PAH: variants seen among roughly 807,000 people sequenced by gnomAD.
The protein encoded by PAH is phenylalanine hydroxylase, also known as phenylalanine-4-hydroxylase.
Under a neutral mutation model 62.0 loss-of-function variants are expected in PAH, and 64 were observed. That is an observed-to-expected ratio of 1.03 (90% CI 0.84 to 1.27). The LOEUF is 1.27. PAH is among the 50% of genes most tolerant of loss of function. PAH has a pLI of 0.00. For synonymous variants in PAH, 195 were observed against 196.2 expected (o/e 0.99, Z 0.05); for missense variants, 579 against 542.8 (o/e 1.07, Z -0.66).
At chr12:102,862,156 T>C (rs970789216) in intron 5 of PAH, among the ~76,000 whole-genome samples, 1 of 152,108 alleles carries the variant, frequency 6.6e-6, no homozygotes, top group African/African-American at 2.4e-5. Flanking sequence ...ATCAACTTCA[T>C]TGCCCATCAG....
intron 1 of PAH, chr12:102,950,568 C>A (rs1327017008): frequency 6.6e-6 from 1 of 152,338 alleles, no homozygotes; most frequent in African/African-American, 2.4e-5. Flanking sequence ...CGTGGCCACA[C>A]AATGGGGACA....
chr12:102,877,414 T>G, intron 4 of PAH, 48 bp downstream of exon 4: 1 of 1,253,932 alleles, frequency 8.0e-7, no homozygotes, highest in East Asian at 2.3e-5. Flanking sequence ...GGGAGGGGAG[T>G]GGAGGAGAGG....
chr12:102,923,471 A>G (rs1220625958), intron 1 of PAH: 5 of 152,186 alleles, frequency 3.3e-5, no homozygotes, highest in Admixed American at 2.6e-4. Context: ...ATGCTAATGT[A>G]AGTTGCTTGA....
At chr12:102,897,735 G>A (rs1877573973) in intron 2 of PAH, among the ~76,000 whole-genome samples, 1 of 152,010 alleles carries the variant, frequency 6.6e-6, no homozygotes, top group Non-Finnish European at 1.5e-5. Flanking sequence ...CAAATTCCTT[G>A]GACTCCTCTG....
intron 1 of PAH, among the ~76,000 whole-genome samples, 178 bp downstream of exon 1, chr12:102,916,893 C>T (rs1004729320): frequency 2.6e-5 from 4 of 150,948 alleles, no homozygotes; most frequent in African/African-American, 9.9e-5. Context: ...TGTTCTCCTA[C>T]TTAGAAACAA....
At chr12:102,852,440 C>T (rs1758356127) in intron 7 of PAH, among the ~76,000 whole-genome samples, 1 of 152,182 alleles carries the variant, frequency 6.6e-6, no homozygotes, top group African/African-American at 2.4e-5. Flanking sequence ...AATACACAAT[C>T]TAGGCAAAGA....
intron 4 of PAH, 121 bp downstream of exon 4, chr12:102,877,341 A>T: frequency 1.2e-6 from 1 of 819,056 alleles, no homozygotes; most frequent in Admixed American, 1.7e-5. Context: ...AAATAGGAAC[A>T]CAATAAGTGT....
chr12:102,936,366 A>G (rs1879098524), intron 1 of PAH, among the ~76,000 whole-genome samples: 1 of 152,176 alleles, frequency 6.6e-6, no homozygotes, highest in South Asian at 2.1e-4. Flanking sequence ...CAGCCATTGA[A>G]TGAAATGTTC....
chr12:102,920,038 G>A (rs1169762818), upstream of PAH, among the ~76,000 whole-genome samples: 1 of 151,992 alleles, frequency 6.6e-6, no homozygotes, highest in Non-Finnish European at 1.5e-5. Context: ...TCTCCATAGT[G>A]GTTGTACAAA....
At position 102,917,167 on chromosome 12, in the gene PAH, G is replaced by T; in HGVS notation, c.-37C>A. The stretch of plus-strand genomic sequence containing the variant: ...GGGAGTGAGGTCTCTGGCTTTTTAG[G>T]GCCTCAGGTACAGGCAGGTTTGCAA... On this transcript the variant is annotated 5_prime_UTR_variant, in exon 1 of 13. Coordinates refer to ENST00000553106, the MANE Select transcript of PAH (RefSeq NM_000277.3). 1 of 1,603,822 alleles carries T rather than the reference G, an allele frequency of 6.2e-7. No homozygotes were observed. Among genetic ancestry groups the T allele is most frequent in the Non-Finnish European group, 8.5e-7 (1 of 1,170,722 alleles).
At position 102,917,175 on chromosome 12, in the gene PAH, G is replaced by A. The variant is rs746106548; in HGVS notation, c.-45C>T. On this transcript the variant is annotated 5_prime_UTR_variant, in exon 1 of 13. Coordinates refer to ENST00000553106, the MANE Select transcript of PAH (RefSeq NM_000277.3). ...GGTCTCTGGCTTTTTAGGGCCTCAG[G>A]TACAGGCAGGTTTGCAAACAGCACG... 11 of 1,580,684 alleles carry A rather than the reference G, an allele frequency of 7.0e-6. No individual in the cohort carries two copies. The highest frequency in any genetic ancestry group is 1.7e-4 in the Middle Eastern group (1 of 5,976).
intron 4 of PAH, among the ~76,000 whole-genome samples, chr12:102,871,922 C>CAAAA (rs1168829038): frequency 4.3e-5 from 5 of 115,508 alleles, no homozygotes; most frequent in African/African-American, 1.9e-4. Flanking sequence ...AACTCTGCCT[C>CAAAA]AAAAAAAAAA....
upstream of PAH, among the ~76,000 whole-genome samples, chr12:102,953,006 G>A (rs923906642): frequency 2.6e-5 from 4 of 152,284 alleles, no homozygotes; most frequent in South Asian, 4.1e-4. Context: ...AGTAGATTGT[G>A]CAGTAAAGTC....
chr12:102,868,341 A>G (rs1287036425), intron 4 of PAH, among the ~76,000 whole-genome samples: 2 of 151,492 alleles, frequency 1.3e-5, no homozygotes, highest in Non-Finnish European at 2.9e-5. Flanking sequence ...GGGAGGGAAG[A>G]TAGGAGTTAA....
chr12:102,904,458 T>G (rs542366439), intron 2 of PAH, among the ~76,000 whole-genome samples: 1 of 152,316 alleles, frequency 6.6e-6, no homozygotes, highest in South Asian at 2.1e-4. Flanking sequence ...GAGATTACAT[T>G]GAACAGGTTT....
chr12:102,958,064 C>CT (rs1879980564), intron 1 of PAH: 1 of 443,712 alleles, frequency 2.3e-6, no homozygotes, highest in African/African-American at 2.0e-5. Context: ...TGCTCCCACT[C>CT]TAAGAAGTCT....
At chr12:102,854,786 C>G (rs1875332655) in intron 6 of PAH, 1 of 372,622 alleles carries the variant, frequency 2.7e-6, no homozygotes, top group African/African-American at 2.1e-5. Flanking sequence ...ACTCCTAACT[C>G]ATAACACAGC....
intron 5 of PAH, among the ~76,000 whole-genome samples, chr12:102,861,129 A>C (rs943272773): frequency 2.6e-5 from 4 of 152,210 alleles, no homozygotes; most frequent in African/African-American, 4.8e-5. Flanking sequence ...AACTCAAACA[A>C]ATTTACAAGA....
intron 5 of PAH, among the ~76,000 whole-genome samples, chr12:102,857,068 T>A (rs1875468828): frequency 6.6e-6 from 1 of 152,154 alleles, no homozygotes; most frequent in African/African-American, 2.4e-5. Context: ...GCAAAGAAGC[T>A]AAAAACCTTG....
Sources: allele counts gnomAD v4.1 joint callset (sites outside exome capture counted in the v4.1 genomes callset), GRCh38; gene constraint gnomAD v4.1.1; transcripts MANE v1.5; gene names NCBI Gene and HGNC (gene_info 2026-07-23, HGNC 2026-07-21).